Variants in RTTN observed in about 807,000 individuals in gnomAD.
The protein encoded by RTTN is rotatin.
In RTTN, 182 loss-of-function variants were observed where a neutral mutation model predicts 269.2. The observed-to-expected ratio is 0.68, with a 90% CI of 0.60 to 0.76. The LOEUF (loss-of-function observed/expected upper bound fraction) is 0.76, where lower values mean the gene tolerates loss of function less well. Among genes scored for constraint, RTTN ranks in the 30% least tolerant of loss-of-function variants. The probability of loss-of-function intolerance (pLI) is 0.00; values close to 1 mark genes in which losing one functional copy is unlikely to be tolerated. For synonymous variants in RTTN, 1,006 were observed against 963.5 expected (o/e 1.04, Z -0.82); for missense variants, 2,545 against 2,608.6 (o/e 0.98, Z 0.53).
In RTTN at chr18:70,139,695, G is replaced by T. The variant is rs370508173; in HGVS notation, c.2692C>A (p.Pro898Thr). 6.0e-5 allele frequency: 97 copies of T among 1,611,666 alleles called. No homozygotes were observed. Among genetic ancestry groups the T allele is most frequent in the Non-Finnish European group, 8.1e-5 (95 of 1,178,300 alleles). ...ACCTTCCTCAAGAGTGTGAGGCATG[G>T]TTGTACCAAACATTCTACAACCTGG... ...DGKVVECLVQ[P>T]CLTLLRKVLC... Residue 898 changes from proline (P) to threonine (T), a missense_variant, in exon 21 of 49, where the codon CCA becomes ACA. Coordinates refer to ENST00000640769, the MANE Select transcript of RTTN (RefSeq NM_173630.4).
At chr18:70,040,363 A>G (rs2057304702) in intron 40 of RTTN, among the ~76,000 whole-genome samples, 1 of 152,224 alleles carries the variant, frequency 6.6e-6, no homozygotes, top group African/African-American at 2.4e-5. Flanking sequence ...CAAAAACTGT[A>G]AGGACAGACA....
intron 28 of RTTN, among the ~76,000 whole-genome samples, chr18:70,095,424 T>C (rs117535379): frequency 0.012 from 1,887 of 152,296 alleles, 23 homozygotes; most frequent in South Asian, 0.038. Context: ...TATGCTTTTG[T>C]AGTGGTTGGT....
chr18:70,176,182 T>C (rs1599919028), intron 11 of RTTN, among the ~76,000 whole-genome samples: 1 of 148,814 alleles, frequency 6.7e-6, no homozygotes. Flanking sequence ...TGTATATGTA[T>C]ACGTAGATGT....
At chr18:70,018,320 C>T (rs1301747602) in intron 45 of RTTN, among the ~76,000 whole-genome samples, 1 of 152,168 alleles carries the variant, frequency 6.6e-6, no homozygotes, top group Non-Finnish European at 1.5e-5. Flanking sequence ...CCCCACCAAA[C>T]CCTTCACTAT....
intron 26 of RTTN, among the ~76,000 whole-genome samples, chr18:70,118,517 A>C (rs1291616483): frequency 1.3e-5 from 2 of 152,158 alleles, no homozygotes. Flanking sequence ...CAAACATTTA[A>C]AGAATTAATA....
intron 14 of RTTN, among the ~76,000 whole-genome samples, chr18:70,154,963 A>G (rs1336689657): frequency 2.0e-5 from 3 of 152,066 alleles, no homozygotes; most frequent in African/African-American, 7.2e-5. Context: ...CACATTCAAC[A>G]TCTCACTTTC....
At chr18:70,202,663 G>T (rs776116701) in intron 3 of RTTN, among the ~76,000 whole-genome samples, 1 of 152,178 alleles carries the variant, frequency 6.6e-6, no homozygotes, top group Non-Finnish European at 1.5e-5. Context: ...AAAATCACAG[G>T]TTTGGGAGCC....
intron 11 of RTTN, among the ~76,000 whole-genome samples, chr18:70,171,427 A>G (rs1408179687): frequency 6.6e-6 from 1 of 152,218 alleles, no homozygotes; most frequent in Non-Finnish European, 1.5e-5. Context: ...TATAGCACTC[A>G]ATAAATATTA....
rs755263726 is a variant in RTTN, at chr18:70,190,718, C to T, written c.1009G>A (p.Gly337Arg). ...GQDWDAASSS[G>R]SSSHAHVNSR... ...TTTACATGAGCATGACTACTACTTCCACTGCAAGATAAACAAATGATAAAC... is the reference window on the plus strand; with the variant it reads ...TTTACATGAGCATGACTACTACTTCTACTGCAAGATAAACAAATGATAAAC... Residue 337 changes from glycine to arginine, a missense_variant and splice_region_variant, in exon 9 of 49, where the codon GGA becomes AGA. Coordinates refer to ENST00000640769, the MANE Select transcript of RTTN (RefSeq NM_173630.4). 6.3e-7 allele frequency: 1 copy of T among 1,595,010 alleles called. No homozygotes were observed. The highest frequency in any genetic ancestry group is 1.7e-5 in the Admixed American group (1 of 59,790).
chr18:70,052,541 A>G (rs2057699634), intron 38 of RTTN, among the ~76,000 whole-genome samples: 1 of 151,908 alleles, frequency 6.6e-6, no homozygotes, highest in African/African-American at 2.4e-5. Flanking sequence ...GCCGAATAAA[A>G]CATTTAAGCT....
intron 14 of RTTN, among the ~76,000 whole-genome samples, chr18:70,153,761 G>A (rs1421792074): frequency 6.6e-6 from 1 of 152,058 alleles, no homozygotes; most frequent in Admixed American, 6.6e-5. Context: ...TCCAAACCAA[G>A]ATACTATATC....
intron 16 of RTTN, 96 bp from the exon 17 acceptor site, chr18:70,149,133 T>C: frequency 2.9e-6 from 3 of 1,022,248 alleles, no homozygotes; most frequent in South Asian, 1.7e-5. Context: ...CAGCAACTCA[T>C]AAATGTCTTT....
chr18:70,070,881 A>G (rs892770904), intron 34 of RTTN, among the ~76,000 whole-genome samples: 1 of 152,198 alleles, frequency 6.6e-6, no homozygotes, highest in African/African-American at 2.4e-5. Flanking sequence ...CCTAAGGAAT[A>G]TTTGAATCTT....
intron 2 of RTTN, 105 bp downstream of exon 2, chr18:70,205,023 A>G (rs2062040856): frequency 1.7e-6 from 2 of 1,171,798 alleles, no homozygotes; most frequent in Admixed American, 2.3e-5. Context: ...GTTGATTAAA[A>G]AAACTTTTAA....
chr18:70,023,242 T>C (rs2056757478), intron 44 of RTTN, among the ~76,000 whole-genome samples: 1 of 152,196 alleles, frequency 6.6e-6, no homozygotes, highest in Non-Finnish European at 1.5e-5. Flanking sequence ...CCACCCAGAT[T>C]AGCCACGCCC....
At chr18:70,175,821 A>G (rs1238419567) in intron 11 of RTTN, among the ~76,000 whole-genome samples, 1 of 152,144 alleles carries the variant, frequency 6.6e-6, no homozygotes, top group African/African-American at 2.4e-5. Flanking sequence ...TGACATTAAG[A>G]TATGCTAACT....
intron 18 of RTTN, among the ~76,000 whole-genome samples, chr18:70,142,987 T>G (rs1212283621): frequency 6.6e-6 from 1 of 152,122 alleles, no homozygotes. Context: ...ATCGCACCAC[T>G]GCACTCCAAC....
intron 11 of RTTN, among the ~76,000 whole-genome samples, chr18:70,173,323 T>A (rs1442498153): frequency 6.6e-6 from 1 of 151,658 alleles, no homozygotes; most frequent in Non-Finnish European, 1.5e-5. Context: ...TGAAACACCA[T>A]CTCTACTAAA....
chr18:70,134,589 A>G, intron 22 of RTTN, 48 bp from the exon 23 acceptor site: 2 of 1,353,914 alleles, frequency 1.5e-6, no homozygotes, highest in Non-Finnish European at 1.0e-6. Context: ...TGAGTAGACC[A>G]AGTTTTGTCT....
Sources: gnomAD v4.1 joint callset for allele counts (sites outside exome capture counted in the v4.1 genomes callset) on GRCh38, gnomAD v4.1.1 for gene constraint, MANE v1.5 for transcripts, NCBI Gene and HGNC (gene_info 2026-07-23, HGNC 2026-07-21) for gene names.